CNOT1: variants seen among roughly 807,000 people sequenced by gnomAD.
CNOT1 encodes CCR4-NOT transcription complex subunit 1, also known as CCR4-associated factor 1.
CNOT1 carries 15 observed loss-of-function variants against 273.8 expected under a neutral mutation model. The ratio of observed to expected loss-of-function variants is 0.05; its 90% CI spans 0.04 to 0.08. The LOEUF (loss-of-function observed/expected upper bound fraction) is 0.08. Among genes scored for constraint, CNOT1 ranks in the 10% least tolerant of loss-of-function variants. The pLI, the probability that CNOT1 is intolerant of heterozygous loss-of-function variation, is 1.00. For synonymous variants in CNOT1, 1,022 were observed against 1,005.5 expected, an observed-to-expected ratio of 1.02 and a Z score of -0.31; for missense variants, 1,644 against 2,912.2, an observed-to-expected ratio of 0.56 and a Z score of 10.02.
chr16:58,530,155 T>C, intron 43 of CNOT1, 91 bp downstream of exon 43: 1 of 1,032,986 alleles, frequency 9.7e-7, no homozygotes, highest in Non-Finnish European at 1.4e-6. Flanking sequence ...CCTCAAAGGC[T>C]TAATAAAAAC....
chr16:58,573,845 A>G lies in CNOT1; in HGVS notation c.1979+764T>C, dbSNP rs927780983. ...AACCGAGAAGAGCTGCAACAATTTT[A>G]AAAAACAACAAAGCTGGGAAATTCA... is the stretch of plus-strand genomic sequence containing the variant. On this transcript the variant is annotated intron_variant, in intron 16 of 48. Transcript: ENST00000317147. Among the ~76,000 whole-genome samples, 10 of 152,102 alleles carry G rather than the reference A, an allele frequency of 6.6e-5. No homozygotes were observed. The East Asian group carries it at 9.6e-4, about 15-fold the overall frequency.
At chr16:58,536,200 G>A (rs2039925945) in intron 39 of CNOT1, among the ~76,000 whole-genome samples, 1 of 152,012 alleles carries the variant, frequency 6.6e-6, no homozygotes, top group African/African-American at 2.4e-5. Flanking sequence ...GCAGAAATAA[G>A]CAGACAACTC....
rs780933091 is a variant in CNOT1, at chr16:58,547,707, G to T, written c.3523-25C>A. 1.9e-5 allele frequency: 31 copies of T among 1,599,694 alleles called. No homozygotes were observed. The highest frequency in any genetic ancestry group is 2.5e-5 in the Non-Finnish European group (29 of 1,171,890). Reference sequence around the variant, plus strand: ...CCTGAAATAGTGTAAGATTAAGAAAGATATGAGAATAAGCTTATGAAAGAA... The same window carrying T: ...CCTGAAATAGTGTAAGATTAAGAAATATATGAGAATAAGCTTATGAAAGAA... On this transcript the variant is annotated intron_variant, in intron 25 of 48. Coordinates refer to ENST00000317147, the MANE Select transcript of CNOT1 (RefSeq NM_016284.5). This position sits in a 1 kb window ranked among gnomAD's most constrained non-coding sequence, Gnocchi z 4.0.
At chr16:58,573,187 T>C (rs1037499756) in intron 16 of CNOT1, among the ~76,000 whole-genome samples, 1 of 150,972 alleles carries the variant, frequency 6.6e-6, no homozygotes, top group Non-Finnish European at 1.5e-5. Context: ...ACACTTGTAA[T>C]CCCAGCTACT....
intron 1 of CNOT1, among the ~76,000 whole-genome samples, chr16:58,600,880 G>A (rs1479681323): frequency 2.6e-5 from 4 of 152,304 alleles, no homozygotes; most frequent in East Asian, 1.9e-4. Context: ...TGGGAGATGG[G>A]AGGATTGCTT....
chr16:58,536,070 G>C (rs2039922332), intron 39 of CNOT1, among the ~76,000 whole-genome samples: 1 of 152,158 alleles, frequency 6.6e-6, no homozygotes, highest in Non-Finnish European at 1.5e-5. Flanking sequence ...TTCTAGAATT[G>C]AAGTCAGTTC....
chr16:58,567,382 G>A (rs985535513), intron 16 of CNOT1, among the ~76,000 whole-genome samples: 11 of 151,928 alleles, frequency 7.2e-5, no homozygotes, highest in Non-Finnish European at 1.0e-4. Flanking sequence ...CAGCGCTTTC[G>A]GAAGCCAAGG....
rs1597628202 is a variant in CNOT1 at position 58,624,129 on chromosome 16, G to C, written c.-175+5599C>G. Among the ~76,000 whole-genome samples, 3 of 152,332 alleles carry C rather than the reference G, an allele frequency of 2.0e-5. No homozygotes were observed. The East Asian group carries it at 5.8e-4, about 29-fold the overall frequency. On this transcript the variant is annotated intron_variant, in intron 1 of 48. Transcript: ENST00000317147. ...ACACAGGTAAAACCACCTGGGACTTGAGATTAGCATTGGAAGTGGGGGACT... is the reference window on the plus strand; with the variant it reads ...ACACAGGTAAAACCACCTGGGACTTCAGATTAGCATTGGAAGTGGGGGACT...
intron 29 of CNOT1, among the ~76,000 whole-genome samples, chr16:58,546,038 C>T (rs2040248590): frequency 6.6e-6 from 1 of 152,116 alleles, no homozygotes; most frequent in Non-Finnish European, 1.5e-5. Context: ...TCTGGGACTT[C>T]ACACAACAAA....
At chr16:58,522,599 G>A (rs894505489) in intron 47 of CNOT1, among the ~76,000 whole-genome samples, 3 of 152,112 alleles carry the variant, frequency 2.0e-5, no homozygotes, top group African/African-American at 4.8e-5. Context: ...GCTATATGTA[G>A]TCTAGGCAAT....
intron 1 of CNOT1, among the ~76,000 whole-genome samples, chr16:58,626,691 C>A (rs1480765545): frequency 6.6e-6 from 1 of 150,920 alleles, no homozygotes; most frequent in Non-Finnish European, 1.5e-5. Context: ...ACCCAGGAGG[C>A]GGAGGTTGTA....
chr16:58,547,156 G>C lies in CNOT1; in HGVS notation c.3750+30C>G. ...AAAACAAAGCAATGCTTAGAAATTA[G>C]TCATAAATAAAATATTAAAATCTAC... On this transcript the variant is annotated intron_variant, in intron 27 of 48. Transcript: ENST00000317147. This position sits in a 1 kb window ranked among gnomAD's most constrained non-coding sequence, Gnocchi z 4.0. 3 of 1,595,798 alleles carry C rather than the reference G, an allele frequency of 1.9e-6. No individual in the cohort carries two copies. The highest frequency in any genetic ancestry group is 2.6e-6 in the Non-Finnish European group (3 of 1,171,892).
At chr16:58,625,094 ACAAAAATTAGG>A (rs2043507559) in intron 1 of CNOT1, among the ~76,000 whole-genome samples, 2 of 152,086 alleles carry the variant, frequency 1.3e-5, no homozygotes, top group African/African-American at 2.4e-5. Flanking sequence ...CCAAAAAAAT[ACAAAAATTAGG>A]CCAGGCGCAG....
intron 40 of CNOT1, chr16:58,532,758 T>C (rs1276896194): frequency 1.6e-5 from 3 of 187,276 alleles, no homozygotes; most frequent in African/African-American, 4.7e-5. Context: ...GTGGGAATGA[T>C]TTACTCCTAT....
In CNOT1 at chr16:58,543,634, T is replaced by G; in HGVS notation, c.4407A>C (p.Leu1469Phe). ...EPLLMSISTN[L>F]KNSFASALRT... ...GAAGGGCTGAGGCAAAACTGTTTTT[T>G]AAGTTGGTAGATATGCTCATGAGCA... Residue 1469 changes from leucine to phenylalanine, a missense_variant, in exon 31 of 49, where the codon TTA becomes TTC. Physicochemically the swap from Leu to Phe is conservative, Grantham distance 22. Around this residue, in one of 13 missense-constraint regions of CNOT1, gnomAD observed 133 missense variants for 230.4 expected, o/e 0.58. Coordinates refer to ENST00000317147, the MANE Select transcript of CNOT1 (RefSeq NM_016284.5). 6.2e-7 allele frequency: 1 copy of G among 1,614,202 alleles called. No homozygotes were observed. The highest frequency in any genetic ancestry group is 1.3e-5 in the African/African-American group (1 of 75,056).
At chr16:58,572,884 G>A (rs1425034773) in intron 16 of CNOT1, among the ~76,000 whole-genome samples, 7 of 149,716 alleles carry the variant, frequency 4.7e-5, no homozygotes, top group Non-Finnish European at 7.4e-5. Context: ...CTCCAGCCTG[G>A]GCAATAGAGC....
chr16:58,528,747 A>C, intron 43 of CNOT1, 99 bp from the exon 44 acceptor site: 1 of 687,966 alleles, frequency 1.5e-6, no homozygotes, highest in Non-Finnish European at 2.4e-6. Flanking sequence ...AAAAGAATGA[A>C]GTATACTTTA....
At chr16:58,535,219 T>C (rs565920602) in intron 39 of CNOT1, among the ~76,000 whole-genome samples, 9 of 152,352 alleles carry the variant, frequency 5.9e-5, no homozygotes, top group South Asian at 2.1e-4. Context: ...CTTGAAATTT[T>C]TGAAACAACT....
At chr16:58,563,170 C>G (rs1042966294) in intron 16 of CNOT1, among the ~76,000 whole-genome samples, 1 of 152,152 alleles carries the variant, frequency 6.6e-6, no homozygotes, top group Non-Finnish European at 1.5e-5. Flanking sequence ...TTTCAGTCAA[C>G]AAAATGGTAT....
Sources: gnomAD v4.1 joint callset for allele counts (sites outside exome capture counted in the v4.1 genomes callset) on GRCh38, gnomAD v4.1.1 for gene constraint, gnomAD v4.1.1 regional missense constraint, Gnocchi (gnomAD v3.1) non-coding constraint, MANE v1.5 for transcripts, NCBI Gene and HGNC (gene_info 2026-07-23, HGNC 2026-07-21) for gene names.